Variants in ZNF483 observed in about 807,000 individuals in gnomAD.
ZNF483 encodes zinc finger protein HIT-10.
ZNF483 carries 9 observed loss-of-function variants against 28.6 expected under a neutral mutation model. The ratio of observed to expected loss-of-function variants is 0.32; its 90% CI spans 0.19 to 0.55. The LOEUF is 0.55. ZNF483 is among the 20% of genes least tolerant of loss of function. The pLI is 0.93. For missense variants in ZNF483, 675 were observed against 871.7 expected (o/e 0.77, Z 2.84); for synonymous variants, 322 against 306.2 (o/e 1.05, Z -0.54).
chr9:111,543,448 T>C lies in ZNF483; in HGVS notation c.*278T>C, dbSNP rs1827722458. The stretch of plus-strand genomic sequence containing the variant: ...TTTTCTTCAGGGGATTTCTCTCTGA[T>C]TTCTTCTACTACCATGTAGTGTGAT... On this transcript the variant is annotated 3_prime_UTR_variant, in exon 6 of 6. Coordinates refer to ENST00000309235, the MANE Select transcript of ZNF483 (RefSeq NM_133464.5). 2.6e-6 allele frequency: 3 copies of C among 1,170,132 alleles called. No individual in the cohort carries two copies. The South Asian group carries it at 7.7e-5, about 30-fold the overall frequency. 72.5% of individuals were successfully genotyped at this position (1,170,132 alleles called of 1,614,324 possible).
chr9:111,558,875 ACT>A (rs1291107850), downstream of ZNF483, among the ~76,000 whole-genome samples: 2 of 152,184 alleles, frequency 1.3e-5, no homozygotes, highest in East Asian at 3.9e-4. Flanking sequence ...ACAGTGAGAA[ACT>A]CTGGCTTCCC....
In ZNF483 at chr9:111,534,343, C is replaced by T; in HGVS notation, c.711C>T (p.Ser237=). ...GGCTGCTGGAAGAAGTCTCAAAAAGCTCCCGACTAGGTGAGTTGGTGAAAA... is the reference window on the plus strand; with the variant it reads ...GGCTGCTGGAAGAAGTCTCAAAAAGTTCCCGACTAGGTGAGTTGGTGAAAA... The part of the protein sequence containing the change: ...LPWLLEEVSK[S]SRLDESALDK... The change falls in exon 5 of 6, where the codon AGC becomes AGT. Residue 237 remains serine (S), a synonymous_variant. Coordinates refer to ENST00000309235, the MANE Select transcript of ZNF483 (RefSeq NM_133464.5). 6.2e-7 allele frequency: 1 copy of T among 1,614,024 alleles called. No homozygotes were observed. The highest frequency in any genetic ancestry group is 8.5e-7 in the Non-Finnish European group (1 of 1,179,898).
chr9:111,531,409 C>T (rs966438542), intron 3 of ZNF483, among the ~76,000 whole-genome samples: 1 of 152,008 alleles, frequency 6.6e-6, no homozygotes, highest in Non-Finnish European at 1.5e-5. Context: ...CAGAGTTTTA[C>T]TCCGTTGCCC....
At chr9:111,528,525 C>T (rs1466020571) in intron 2 of ZNF483, among the ~76,000 whole-genome samples, 2 of 152,012 alleles carry the variant, frequency 1.3e-5, no homozygotes, top group East Asian at 3.9e-4. Flanking sequence ...GGGAATGTGG[C>T]TCGCCTTTTT....
intron 5 of ZNF483, chr9:111,563,468 G>A (rs562959849): frequency 1.0e-4 from 39 of 386,988 alleles, no homozygotes; most frequent in South Asian, 7.2e-4. Context: ...ATCATAGTGC[G>A]AAATGTCATA....
chr9:111,560,636 CA>C (rs1015199330), intron 5 of ZNF483, among the ~76,000 whole-genome samples: 1,481 of 26,280 alleles, frequency 0.056, 2 homozygotes, highest in Middle Eastern at 0.1. Context: ...GACACCATCT[CA>C]AAAAAAAAAA....
Position 111,544,144 on chromosome 9 carries a change from G to A in ZNF483, c.*974G>A, listed in dbSNP as rs1268767725. ...CACCTGAGCCATCTCAGCCGTGAGAGTAACAGTCCTAGGAAAATAGATGGG... is the reference window on the plus strand; with the variant it reads ...CACCTGAGCCATCTCAGCCGTGAGAATAACAGTCCTAGGAAAATAGATGGG... On this transcript the variant is annotated 3_prime_UTR_variant, in exon 6 of 6. Transcript: ENST00000309235. The A allele has an allele frequency of 2.0e-6, 2 of 985,366 alleles. No homozygotes were observed. The highest frequency in any genetic ancestry group is 1.1e-4 in the East Asian group (1 of 8,826). 61.0% of individuals were successfully genotyped at this position (985,366 alleles called of 1,614,324 possible).
Position 111,533,856 on chromosome 9 carries a change from G to C in ZNF483, c.619G>C (p.Glu207Gln). 1 of 1,589,082 alleles carries C rather than the reference G, an allele frequency of 6.3e-7. No individual in the cohort carries two copies. The highest frequency in any genetic ancestry group is 2.2e-5 in the East Asian group (1 of 44,486). ...EVLLENLRNL[E>Q]FLDFPVSKLE... is the part of the protein sequence containing the mutation. ...GCTACTGGAAAACCTCAGGAACCTA[G>C]AATTTCTGGGTAAAGACACCTTTTC... The change falls in exon 4 of 6, where the codon GAA becomes CAA. Residue 207 changes from glutamate to glutamine, a missense_variant. By Grantham distance (29) the Glu-to-Gln change is conservative. Transcript: ENST00000309235.
chr9:111,557,619 C>CG (rs1178525083), downstream of ZNF483, among the ~76,000 whole-genome samples: 1 of 151,722 alleles, frequency 6.6e-6, no homozygotes, highest in Non-Finnish European at 1.5e-5. Flanking sequence ...TTAGTAGAGA[C>CG]GGGGTTTCAC....
intron 3 of ZNF483, among the ~76,000 whole-genome samples, chr9:111,532,186 G>A (rs1178292763): frequency 6.6e-6 from 1 of 152,096 alleles, no homozygotes; most frequent in Non-Finnish European, 1.5e-5. Flanking sequence ...TCACATACCT[G>A]TGGTCTCAGC....
At chr9:111,561,110 TAGAGAG>T (rs1159365134) in intron 5 of ZNF483, among the ~76,000 whole-genome samples, 18 of 19,190 alleles carry the variant, frequency 9.4e-4, no homozygotes, top group East Asian at 5.1e-3. Context: ...TATATATATA[TAGAGAG>T]AGAGAGAGAG....
At chr9:111,572,714 G>A (rs531499397) in intron 5 of ZNF483, among the ~76,000 whole-genome samples, 43 of 128,782 alleles carry the variant, frequency 3.3e-4, no homozygotes, top group African/African-American at 8.6e-4. Context: ...CCATGATTGC[G>A]CCACTGCACT....
chr9:111,561,102 T>TAGAGAGAG (rs1448011286), intron 5 of ZNF483, among the ~76,000 whole-genome samples: 7 of 29,340 alleles, frequency 2.4e-4, no homozygotes, highest in Non-Finnish European at 3.7e-4. Flanking sequence ...TATATATATA[T>TAGAGAGAG]ATATATATAG....
At chr9:111,530,075 A>G (rs1827281703) in intron 2 of ZNF483, among the ~76,000 whole-genome samples, 1 of 152,192 alleles carries the variant, frequency 6.6e-6, no homozygotes, top group African/African-American at 2.4e-5. Context: ...GCTGGTTGCC[A>G]GGGGAACCAA....
chr9:111,531,537 C>T (rs750498836), intron 3 of ZNF483, among the ~76,000 whole-genome samples: 28 of 151,920 alleles, frequency 1.8e-4, no homozygotes, highest in Middle Eastern at 3.4e-3. Flanking sequence ...CCACCATGCC[C>T]GGCTAATTTT....
In ZNF483 at chr9:111,551,518, C is replaced by G. The variant is rs746461745; in HGVS notation, c.*8348C>G. 1.3e-4 allele frequency among the ~76,000 whole-genome samples: 20 copies of G among 148,194 alleles called. No individual in the cohort carries two copies. Among genetic ancestry groups the G allele is most frequent in the Non-Finnish European group, 2.5e-4 (17 of 67,526 alleles). ...CGCCTCCTGGGTTCCAGCAATTCTC[C>G]TGCTTCAGCCTCCCCAGTAGCTGAG... On this transcript the variant is annotated 3_prime_UTR_variant, in exon 6 of 6. Coordinates refer to ENST00000309235, the MANE Select transcript of ZNF483 (RefSeq NM_133464.5).
intron 5 of ZNF483, chr9:111,570,227 C>T (rs375230865): frequency 1.8e-5 from 29 of 1,607,582 alleles, no homozygotes; most frequent in Non-Finnish European, 2.4e-5. Context: ...GAGAAGGGCA[C>T]ATTTGGGTGG....
Position 111,551,180 on chromosome 9 carries a change from TA to T in ZNF483, c.*8016del, listed in dbSNP as rs778295034. ...ATATTATTTCATCATGTAATCAATG[TA>T]AAAAAGTATTGAGACATTTTGTTTT... is the stretch of plus-strand genomic sequence containing the variant. On this transcript the variant is annotated 3_prime_UTR_variant, in exon 6 of 6. Coordinates refer to ENST00000309235, the MANE Select transcript of ZNF483 (RefSeq NM_133464.5). Among the ~76,000 whole-genome samples the T allele has an allele frequency of 2.4e-4, 37 of 152,310 alleles. No homozygotes were observed. The highest frequency in any genetic ancestry group is 1.8e-4 in the Non-Finnish European group (12 of 68,028).
intron 5 of ZNF483, among the ~76,000 whole-genome samples, chr9:111,571,055 T>C (rs72748042): frequency 0.027 from 3,588 of 132,962 alleles, 264 homozygotes; most frequent in South Asian, 0.042. Flanking sequence ...GATTCTCCTC[T>C]AGCATCTTCA....
Sources: allele counts gnomAD v4.1 joint callset (sites outside exome capture counted in the v4.1 genomes callset), GRCh38; gene constraint gnomAD v4.1.1; transcripts MANE v1.5; gene names NCBI Gene and HGNC (gene_info 2026-07-23, HGNC 2026-07-21).